NEK5: variants seen among roughly 807,000 people sequenced by gnomAD.
NEK5 encodes the protein serine/threonine-protein kinase Nek5.
In NEK5, 88 loss-of-function variants were observed where a neutral mutation model predicts 109.2. The observed-to-expected ratio is 0.81, with a 90% CI of 0.68 to 0.96. The LOEUF is 0.96. NEK5 is among the 40% of genes least tolerant of loss of function. NEK5 has a pLI of 0.00. For missense variants in NEK5, 834 were observed against 920.7 expected (o/e 0.91, Z 1.22); for synonymous variants, 283 against 299.9 (o/e 0.94, Z 0.58).
In NEK5 at chr13:52,081,066, T is replaced by C. The variant is rs113688716; in HGVS notation, c.1572+2194A>G. Among the ~76,000 whole-genome samples the C allele has an allele frequency of 2.3e-3, 351 of 152,024 alleles. 1 individual carries two copies. Among genetic ancestry groups the C allele is most frequent in the Non-Finnish European group, 4.2e-3 (288 of 68,000 alleles). On this transcript the variant is annotated intron_variant, in intron 17 of 23. Transcript: ENST00000684899. The stretch of plus-strand genomic sequence containing the variant: ...AAATGTGAGCAATGAGGCTGGAACA[T>C]TCTGTTAGGAACAACTCACAAAAGT...
intron 23 of NEK5, among the ~76,000 whole-genome samples, chr13:52,038,270 C>T (rs543940833): frequency 1.5e-4 from 23 of 151,674 alleles, no homozygotes; most frequent in Non-Finnish European, 1.5e-4. Context: ...TGCAGTGAGC[C>T]GAGATCGCAC....
intron 20 of NEK5, among the ~76,000 whole-genome samples, chr13:52,067,801 T>C (rs1954714666): frequency 6.6e-6 from 1 of 151,794 alleles, no homozygotes; most frequent in African/African-American, 2.4e-5. Flanking sequence ...AAGTGATTCT[T>C]GTGGCTCAGC....
chr13:52,036,844 G>T lies in NEK5; in HGVS notation c.*104C>A. 1 of 419,672 alleles carries T rather than the reference G, an allele frequency of 2.4e-6. No individual in the cohort carries two copies. 26.0% of individuals were successfully genotyped at this position (419,672 alleles called of 1,614,324 possible). A position where few individuals can be genotyped will look rare whatever the true frequency, so the allele number is the denominator to read the frequency against. ...GAAAGAAAAATTAATAAATCCTTGAGATTACTAGAAAACCCTTACAGTAAA... is the reference window on the plus strand; with the variant it reads ...GAAAGAAAAATTAATAAATCCTTGATATTACTAGAAAACCCTTACAGTAAA... On this transcript the variant is annotated 3_prime_UTR_variant, in exon 24 of 24. Coordinates refer to ENST00000684899, the MANE Select transcript of NEK5 (RefSeq NM_001365552.1).
At chr13:52,055,662 G>C (rs1221330412) in intron 22 of NEK5, among the ~76,000 whole-genome samples, 1 of 151,762 alleles carries the variant, frequency 6.6e-6, no homozygotes, top group Non-Finnish European at 1.5e-5. Context: ...TTAAAGAAAA[G>C]AATTTTCAAC....
chr13:52,044,265 C>CT (rs2140893627), intron 23 of NEK5, among the ~76,000 whole-genome samples: 1 of 152,290 alleles, frequency 6.6e-6, no homozygotes, highest in Admixed American at 6.5e-5. Flanking sequence ...GTGAGTTATA[C>CT]TTAATAAACT....
chr13:52,082,150 T>A (rs985350285), intron 17 of NEK5: 1 of 256,664 alleles, frequency 3.9e-6, no homozygotes, highest in African/African-American at 2.4e-5. Context: ...ACCCTGTCTC[T>A]ACTAAAATAC....
chr13:52,100,260 T>G (rs1955502907), intron 11 of NEK5, among the ~76,000 whole-genome samples: 1 of 151,992 alleles, frequency 6.6e-6, no homozygotes, highest in South Asian at 2.1e-4. Context: ...TATGAGTAGA[T>G]CTTCTCTCTT....
chr13:52,122,379 T>C (rs1955987049), intron 3 of NEK5, among the ~76,000 whole-genome samples: 1 of 152,194 alleles, frequency 6.6e-6, no homozygotes, highest in African/African-American at 2.4e-5. Context: ...TGAACACATT[T>C]AATATCATTA....
intron 17 of NEK5, among the ~76,000 whole-genome samples, chr13:52,080,541 A>G (rs11148240): frequency 2.6e-5 from 4 of 152,202 alleles, no homozygotes; most frequent in Non-Finnish European, 4.4e-5. Flanking sequence ...ATTTTGTTCT[A>G]TAGTAAGAAA....
Position 52,034,042 on chromosome 13 carries a change from A to G in NEK5, c.*2906T>C, listed in dbSNP as rs945710962. On this transcript the variant is annotated 3_prime_UTR_variant, in exon 24 of 24. Transcript: ENST00000684899. ...GCATCTGTTCCAATATTCTGGTGCT[A>G]TGTGCTCAGTTGTACTATATGCAAA... 3 of 152,208 alleles carry G rather than the reference A, an allele frequency of 2.0e-5. No homozygotes were observed. The highest frequency in any genetic ancestry group is 7.2e-5 in the African/African-American group (3 of 41,446). The allele number at this position is 152,208 out of a possible 1,614,324, so 9.4% of individuals were successfully genotyped here.
intron 17 of NEK5, among the ~76,000 whole-genome samples, chr13:52,076,778 C>T (rs925451954): frequency 2.0e-5 from 3 of 152,142 alleles, no homozygotes; most frequent in African/African-American, 7.2e-5. Context: ...TATCCAACTG[C>T]CTACTTAGCA....
At chr13:52,092,273 A>G (rs1422608880) in intron 13 of NEK5, among the ~76,000 whole-genome samples, 2 of 152,212 alleles carry the variant, frequency 1.3e-5, no homozygotes, top group Admixed American at 1.3e-4. Flanking sequence ...TATAATATAC[A>G]TTACATCATA....
At chr13:52,084,784 T>A (rs867080344) in intron 16 of NEK5, among the ~76,000 whole-genome samples, 5 of 137,454 alleles carry the variant, frequency 3.6e-5, no homozygotes, top group African/African-American at 1.1e-4. Flanking sequence ...TGTGTGTGTG[T>A]GTGTGTGTGT....
rs192268810 is a variant in NEK5, at chr13:52,084,218, T to C, written c.1480-866A>G. Among the ~76,000 whole-genome samples, 50 of 152,226 alleles carry C rather than the reference T, an allele frequency of 3.3e-4. 1 individual carries two copies. The highest frequency in any genetic ancestry group is 3.9e-4 in the East Asian group (2 of 5,184). ...GTAGAACTGCATATGCCAGAAAGAA[T>C]AGTGGTTATAATTGTATTTTTTTAT... On this transcript the variant is annotated intron_variant, in intron 16 of 23. Transcript: ENST00000684899.
chr13:52,123,151 T>C (rs1287812496), intron 3 of NEK5, among the ~76,000 whole-genome samples: 1 of 152,020 alleles, frequency 6.6e-6, no homozygotes, highest in Non-Finnish European at 1.5e-5. Context: ...TATAAATTTC[T>C]CTAGATAAGA....
chr13:52,067,107 T>A (rs543793262), intron 20 of NEK5, among the ~76,000 whole-genome samples: 2 of 152,332 alleles, frequency 1.3e-5, no homozygotes, highest in East Asian at 1.9e-4. Flanking sequence ...ATTGTGTGAA[T>A]GACTATAATT....
intron 14 of NEK5, among the ~76,000 whole-genome samples, chr13:52,087,660 CTG>C (rs1306171067): frequency 6.6e-6 from 1 of 152,154 alleles, no homozygotes; most frequent in African/African-American, 2.4e-5. Flanking sequence ...GCGTCTCACT[CTG>C]TCACCCAGGC....
At chr13:52,068,419 C>T (rs1954725165) in intron 20 of NEK5, among the ~76,000 whole-genome samples, 1 of 151,596 alleles carries the variant, frequency 6.6e-6, no homozygotes, top group South Asian at 2.1e-4. Flanking sequence ...TTTCTATATG[C>T]CGCACAATTC....
intron 12 of NEK5, among the ~76,000 whole-genome samples, chr13:52,099,374 T>C (rs905340286): frequency 5.9e-5 from 9 of 151,744 alleles, no homozygotes; most frequent in African/African-American, 2.2e-4. Context: ...CTACTAAAAG[T>C]ATAAAAATTA....
Sources: gnomAD v4.1 joint callset for allele counts (sites outside exome capture counted in the v4.1 genomes callset) on GRCh38, gnomAD v4.1.1 for gene constraint, MANE v1.5 for transcripts, NCBI Gene and HGNC (gene_info 2026-07-23, HGNC 2026-07-21) for gene names.